The following IARS1 variants were observed in gnomAD, a reference collection of about 807,000 sequenced individuals.
The protein encoded by IARS1 is isoleucine--tRNA ligase, cytoplasmic.
IARS1 carries 124 observed loss-of-function variants against 168.2 expected under a neutral mutation model. The observed-to-expected ratio is 0.74, with a 90% confidence interval of 0.64 to 0.86. The LOEUF is 0.86. IARS1 is among the 40% of genes least tolerant of loss of function. The probability of loss-of-function intolerance (pLI) is 0.00; values close to 1 mark genes in which losing one functional copy is unlikely to be tolerated. For synonymous variants in IARS1, 532 were observed against 529.4 expected (o/e 1.00, Z -0.07); for missense variants, 1,452 against 1,515.8 (o/e 0.96, Z 0.70).
chr9:92,225,765 C>T (rs1251337615), intron 31 of IARS1, among the ~76,000 whole-genome samples: 2 of 148,792 alleles, frequency 1.3e-5, no homozygotes, highest in Non-Finnish European at 3.0e-5. Context: ...TGATCACAGA[C>T]AAATCTACAC....
intron 4 of IARS1, 92 bp downstream of exon 4, chr9:92,287,699 T>G (rs935231116): frequency 4.4e-6 from 6 of 1,354,478 alleles, no homozygotes; most frequent in Non-Finnish European, 5.0e-6. Context: ...AAAAATAAAT[T>G]AATAAAAAAA....
At chr9:92,264,829 C>G in intron 16 of IARS1, 100 bp downstream of exon 16, 1 of 1,032,048 alleles carries the variant, frequency 9.7e-7, no homozygotes, top group Non-Finnish European at 1.4e-6. Flanking sequence ...TTGCCACAAT[C>G]TCTCCATCAC....
At chr9:92,247,667 T>C in intron 25 of IARS1, 116 bp from the exon 26 acceptor site, 1 of 837,660 alleles carries the variant, frequency 1.2e-6, no homozygotes, top group African/African-American at 1.7e-5. Context: ...ACACTTCAAG[T>C]GTCCATCAAC....
chr9:92,212,240 A>T (rs1837878631), intron 33 of IARS1, among the ~76,000 whole-genome samples: 1 of 152,166 alleles, frequency 6.6e-6, no homozygotes, highest in Non-Finnish European at 1.5e-5. Flanking sequence ...GGCTCTTCTA[A>T]TTTACCAAGT....
At chr9:92,235,336 A>T (rs1827320592) in intron 30 of IARS1, among the ~76,000 whole-genome samples, 1 of 152,108 alleles carries the variant, frequency 6.6e-6, no homozygotes, top group African/African-American at 2.4e-5. Context: ...ATTAGGTATA[A>T]TGGTAGCTGT....
rs936597207 is a variant in IARS1, at chr9:92,222,764, T to C, written c.3554-92A>G. 1.8e-5 allele frequency: 24 copies of C among 1,343,278 alleles called. 1 individual carries two copies. Among genetic ancestry groups the C allele is most frequent in the Admixed American group, 1.5e-4 (8 of 53,862 alleles). The allele number at this position is 1,343,278 out of a possible 1,614,324, so 83.2% of individuals were successfully genotyped here. On this transcript the variant is annotated intron_variant, in intron 32 of 33. Coordinates refer to ENST00000443024, the MANE Select transcript of IARS1 (RefSeq NM_002161.6). ...CACTGCGGACAGCTCTAACAGGCAG[T>C]GCTGAGGCCAGCAGTGCGTCCAGGA...
rs1564177490 is a variant in IARS1 at position 92,263,061 on chromosome 9, AAAAAACCCC to A, written c.1701-15_1701-7del. ...GCACCAGCAGGGTATAAAACCTGAAAAAAAACCCCAAACAGTTCAATAAAAATAGAAATG... is the reference window on the plus strand; with the variant it reads ...GCACCAGCAGGGTATAAAACCTGAAAAAACAGTTCAATAAAAATAGAAATG... On this transcript the variant is annotated splice_polypyrimidine_tract_variant and splice_region_variant and intron_variant, in intron 16 of 33. Transcript: ENST00000443024. The A allele has an allele frequency of 6.2e-7, 1 of 1,601,678 alleles. No individual in the cohort carries two copies. Among genetic ancestry groups the A allele is most frequent in the Non-Finnish European group, 8.6e-7 (1 of 1,168,716 alleles).
chr9:92,229,370 C>CACACAT (rs1554724307), intron 30 of IARS1, among the ~76,000 whole-genome samples: 8 of 129,652 alleles, frequency 6.2e-5, no homozygotes, highest in Admixed American at 2.3e-4. Context: ...CACACACACA[C>CACACAT]ACACACACAC....
chr9:92,285,378 G>A (rs1225642380), intron 6 of IARS1, among the ~76,000 whole-genome samples: 1 of 152,036 alleles, frequency 6.6e-6, no homozygotes, highest in Non-Finnish European at 1.5e-5. Context: ...TCCCAGATAA[G>A]GCATAAAATT....
chr9:92,259,373 A>C (rs1392594505), intron 18 of IARS1, among the ~76,000 whole-genome samples: 2 of 152,150 alleles, frequency 1.3e-5, no homozygotes, highest in Non-Finnish European at 2.9e-5. Context: ...CTGCTTGCAG[A>C]GAGAGGGACT....
chr9:92,275,450 A>G (rs1587864839), intron 9 of IARS1, among the ~76,000 whole-genome samples: 1 of 152,366 alleles, frequency 6.6e-6, no homozygotes, highest in East Asian at 1.9e-4. Context: ...TTGGAACTTA[A>G]AACTAAACTT....
intron 30 of IARS1, among the ~76,000 whole-genome samples, chr9:92,231,394 C>T (rs935418042): frequency 3.3e-5 from 5 of 150,728 alleles, no homozygotes; most frequent in African/African-American, 7.3e-5. Context: ...AGGTATGTTA[C>T]GTATATGTGT....
At chr9:92,276,500 G>A (rs1833795391) in intron 9 of IARS1, among the ~76,000 whole-genome samples, 1 of 152,174 alleles carries the variant, frequency 6.6e-6, no homozygotes, top group Non-Finnish European at 1.5e-5. Flanking sequence ...GGGCAGCAAC[G>A]TGGGAGGAGG....
intron 6 of IARS1, among the ~76,000 whole-genome samples, chr9:92,284,875 C>T (rs1163435265): frequency 6.6e-6 from 1 of 152,096 alleles, no homozygotes; most frequent in Non-Finnish European, 1.5e-5. Flanking sequence ...TTGTTAAGTG[C>T]TTAAAATATT....
chr9:92,223,909 G>C (rs1052285225), intron 31 of IARS1, among the ~76,000 whole-genome samples: 1 of 152,250 alleles, frequency 6.6e-6, no homozygotes, highest in Non-Finnish European at 1.5e-5. Context: ...AACATATGCA[G>C]TGTAATTTCA....
rs2230402 is a variant in IARS1, at chr9:92,285,779, G to A, written c.540C>T (p.Pro180=). ...GTGGAGTGTTACATGCCGTAGAGAAGGGCATGACTTTCACACCTCTATAAA... is the reference window on the plus strand; with the variant it reads ...GTGGAGTGTTACATGCCGTAGAGAAAGGCATGACTTTCACACCTCTATAAA... ...GLVYRGVKVM[P]FSTACNTPLS... is the part of the protein sequence containing the mutation. Residue 180 remains proline, a synonymous_variant, in exon 6 of 34, where the codon CCC becomes CCT. Coordinates refer to ENST00000443024, the MANE Select transcript of IARS1 (RefSeq NM_002161.6). The A allele has an allele frequency of 1.4e-3, 2,306 of 1,613,566 alleles. 30 individuals carry two copies. The African/African-American group carries it at 0.026, about 18-fold the overall frequency.
rs1829821515 is a variant in IARS1 at position 92,250,266 on chromosome 9, G to A, written c.2453C>T (p.Thr818Ile). Reference sequence around the variant, plus strand: ...CTGCATCTGAGATACTGCACTCTCTGTTTTCTTGTCAATCAATTCTTCTCT... The same window carrying A: ...CTGCATCTGAGATACTGCACTCTCTATTTTCTTGTCAATCAATTCTTCTCT... The part of the protein sequence containing the change: ...RVREELIDKK[T>I]ESAVSQMQSV... The change falls in exon 24 of 34, where the codon ACA becomes ATA. Residue 818 changes from threonine to isoleucine, a missense_variant. By Grantham distance (89) the Thr-to-Ile change is moderately conservative. Coordinates refer to ENST00000443024, the MANE Select transcript of IARS1 (RefSeq NM_002161.6). 6.2e-7 allele frequency: 1 copy of A among 1,608,156 alleles called. No individual in the cohort carries two copies. The highest frequency in any genetic ancestry group is 8.5e-7 in the Non-Finnish European group (1 of 1,174,768).
chr9:92,220,172 A>T (rs1310579053), intron 33 of IARS1, among the ~76,000 whole-genome samples: 4 of 148,228 alleles, frequency 2.7e-5, no homozygotes, highest in South Asian at 2.2e-4. Context: ...GCAAGAACAA[A>T]AAACCAAACA....
intron 32 of IARS1, 130 bp from the exon 33 acceptor site, chr9:92,222,802 C>CTGCATCTTCAGCGGTCA: frequency 1.4e-6 from 1 of 735,788 alleles, no homozygotes; most frequent in Non-Finnish European, 2.1e-6. Flanking sequence ...GTGAGTGTGA[C>CTGCATCTTCAGCGGTCA]CGCTGAAGAT....
Sources: allele counts gnomAD v4.1 joint callset (sites outside exome capture counted in the v4.1 genomes callset), GRCh38; gene constraint gnomAD v4.1.1; transcripts MANE v1.5; gene names NCBI Gene and HGNC (gene_info 2026-07-23, HGNC 2026-07-21).